Variants in MGMT observed in about 807,000 individuals in gnomAD.
MGMT encodes the protein O-6-methylguanine-DNA methyltransferase, also known as methylated-DNA--protein-cysteine methyltransferase.
A neutral mutation model predicts 15.9 loss-of-function variants in MGMT; 14 were observed. The observed-to-expected ratio is 0.88, with a 90% CI of 0.58 to 1.37. The LOEUF is 1.37. Among genes scored for constraint, MGMT ranks in the 40% most tolerant of loss-of-function variants. The pLI, the probability that MGMT is intolerant of heterozygous loss-of-function variation, is 0.00. For missense variants in MGMT, 282 were observed against 268.1 expected (o/e 1.05, Z -0.36); for synonymous variants, 130 against 118.2 (o/e 1.10, Z -0.65).
chr10:129,708,871 G>C (rs1484813170), intron 3 of MGMT, among the ~76,000 whole-genome samples: 5 of 152,196 alleles, frequency 3.3e-5, no homozygotes, highest in Non-Finnish European at 5.9e-5. Flanking sequence ...GATCAGATTT[G>C]CTGGGTAAGC....
chr10:129,571,381 A>C (rs1482237827), intron 2 of MGMT, among the ~76,000 whole-genome samples: 1 of 152,248 alleles, frequency 6.6e-6, no homozygotes, highest in Non-Finnish European at 1.5e-5. Context: ...CATAATCTGC[A>C]GGGCAAAGAT....
rs542509277 is a variant in MGMT at position 129,651,362 on chromosome 10, AGTGAATTTCTTTAAAG to A, written c.126-56530_126-56515del. Among the ~76,000 whole-genome samples the A allele has an allele frequency of 2.0e-5, 3 of 152,202 alleles. No individual in the cohort carries two copies. In the South Asian group the frequency reaches 6.2e-4, roughly 32 times the overall value. On this transcript the variant is annotated intron_variant, in intron 2 of 4. Transcript: ENST00000651593. ...ATAAGCTAAAGAAAGAACTAGTGTG[AGTGAATTTCTTTAAAG>A]GTCATTTGGCTCTAGGAAAACCTTT... is the stretch of plus-strand genomic sequence containing the variant.
chr10:129,565,351 T>C (rs1195293169), intron 2 of MGMT, among the ~76,000 whole-genome samples: 1 of 152,052 alleles, frequency 6.6e-6, no homozygotes, highest in African/African-American at 2.4e-5. Flanking sequence ...TACAAGGCTA[T>C]GAAAGCATCA....
chr10:129,758,038 T>C (rs552875696), intron 3 of MGMT, among the ~76,000 whole-genome samples: 1 of 152,374 alleles, frequency 6.6e-6, no homozygotes, highest in South Asian at 2.1e-4. Flanking sequence ...ACAACAAAGT[T>C]AATTTCTTTG....
intron 2 of MGMT, among the ~76,000 whole-genome samples, chr10:129,640,889 T>G (rs1255000851): frequency 6.6e-6 from 1 of 152,214 alleles, no homozygotes; most frequent in Non-Finnish European, 1.5e-5. Context: ...TTTCCTGATT[T>G]GATAAAAAGG....
chr10:129,733,748 G>A (rs1848529230), intron 3 of MGMT, among the ~76,000 whole-genome samples: 1 of 152,086 alleles, frequency 6.6e-6, no homozygotes, highest in Non-Finnish European at 1.5e-5. Flanking sequence ...AAGGTGTAAG[G>A]AAGGGATCCA....
chr10:129,769,947 G>C lies in MGMT; in HGVS notation c.*2950G>C, dbSNP rs1001488088. On this transcript the variant is annotated 3_prime_UTR_variant, in exon 5 of 5. Coordinates refer to ENST00000651593, the MANE Select transcript of MGMT (RefSeq NM_002412.5). ...GATGTGAAGGTTGCAGGCACCGGGC[G>C]TTGCAGAGGAAGTGGGCAAGCTCAC... Among the ~76,000 whole-genome samples the C allele has an allele frequency of 6.6e-6, 1 of 152,186 alleles. No individual in the cohort carries two copies. Among genetic ancestry groups the C allele is most frequent in the East Asian group, 1.9e-4 (1 of 5,186 alleles).
intron 2 of MGMT, among the ~76,000 whole-genome samples, chr10:129,578,663 C>T: frequency 6.6e-6 from 1 of 152,084 alleles, no homozygotes; most frequent in East Asian, 1.9e-4. Flanking sequence ...GCACATGTAC[C>T]CTAAAACTTA....
intron 3 of MGMT, among the ~76,000 whole-genome samples, chr10:129,743,697 CAT>C: frequency 6.6e-6 from 1 of 152,374 alleles, no homozygotes; most frequent in African/African-American, 2.4e-5. Context: ...CCTGTGGGGT[CAT>C]AGAGGTCACA....
chr10:129,676,488 G>A lies in MGMT; in HGVS notation c.126-31407G>A, dbSNP rs150555694. 1.6e-3 allele frequency among the ~76,000 whole-genome samples: 242 copies of A among 152,268 alleles called. 3 individuals are homozygous for A. The highest frequency in any genetic ancestry group is 5.5e-3 in the African/African-American group (230 of 41,556). On this transcript the variant is annotated intron_variant, in intron 2 of 4. Coordinates refer to ENST00000651593, the MANE Select transcript of MGMT (RefSeq NM_002412.5). ...AGGTGCATCTCTGCGTCTCTGCGGC[G>A]TACTCTGCGAGGGTCCCTGTGGAAG...
Position 129,657,721 on chromosome 10 carries a change from ACACACACC to A in MGMT, c.126-50172_126-50165del, listed in dbSNP as rs1220361712. The stretch of plus-strand genomic sequence containing the variant: ...CACACACACACGCACACACACACAC[ACACACACC>A]CCCTCTCCCCCAAGGACCCACAAGG... On this transcript the variant is annotated intron_variant, in intron 2 of 4. Coordinates refer to ENST00000651593, the MANE Select transcript of MGMT (RefSeq NM_002412.5). Among the ~76,000 whole-genome samples the A allele has an allele frequency of 1.7e-3, 259 of 148,512 alleles. 4 individuals carry two copies. Among genetic ancestry groups the A allele is most frequent in the South Asian group, 4.8e-3 (22 of 4,612 alleles).
At chr10:129,467,369 T>G in intron 1 of MGMT, 73 bp downstream of exon 1, 1 of 1,423,424 alleles carries the variant, frequency 7.0e-7, no homozygotes. Flanking sequence ...CCTCGAGTGG[T>G]CCTGCAGGCG....
chr10:129,561,671 G>C (rs778365811), intron 2 of MGMT, among the ~76,000 whole-genome samples: 1 of 152,058 alleles, frequency 6.6e-6, no homozygotes, highest in Non-Finnish European at 1.5e-5. Flanking sequence ...CAGTTTTACC[G>C]AGACACAGTT....
At chr10:129,598,782 G>C (rs1395396216) in intron 2 of MGMT, among the ~76,000 whole-genome samples, 1 of 152,152 alleles carries the variant, frequency 6.6e-6, no homozygotes, top group Non-Finnish European at 1.5e-5. Flanking sequence ...AAGTAGAGAC[G>C]ACTTGCCCAC....
intron 3 of MGMT, among the ~76,000 whole-genome samples, chr10:129,747,348 A>G (rs190988587): frequency 7.2e-5 from 11 of 152,248 alleles, no homozygotes; most frequent in Admixed American, 3.3e-4. Flanking sequence ...CAGTTGTCAG[A>G]TTGAGGATGT....
intron 3 of MGMT, among the ~76,000 whole-genome samples, chr10:129,750,578 A>T (rs148880769): frequency 6.6e-6 from 1 of 152,254 alleles, no homozygotes; most frequent in Admixed American, 6.5e-5. Flanking sequence ...ACAGTATAAC[A>T]GCTATTTACA....
At chr10:129,708,398 A>G (rs1377239001) in intron 3 of MGMT, among the ~76,000 whole-genome samples, 1 of 152,222 alleles carries the variant, frequency 6.6e-6, no homozygotes, top group Non-Finnish European at 1.5e-5. Flanking sequence ...CCAACAGCAC[A>G]GAAAACGAGA....
chr10:129,525,628 G>A (rs1050367011), intron 1 of MGMT, among the ~76,000 whole-genome samples: 13 of 152,062 alleles, frequency 8.5e-5, no homozygotes, highest in Non-Finnish European at 1.6e-4. Flanking sequence ...TGTGCGGTGC[G>A]GGGCCGGCTC....
At chr10:129,706,812 C>A (rs1253406456) in intron 2 of MGMT, among the ~76,000 whole-genome samples, 1 of 152,278 alleles carries the variant, frequency 6.6e-6, no homozygotes, top group Non-Finnish European at 1.5e-5. Flanking sequence ...GAAAATCCAC[C>A]CCTGCTGGAG....
Sources: gnomAD v4.1 joint callset for allele counts (sites outside exome capture counted in the v4.1 genomes callset) on GRCh38, gnomAD v4.1.1 for gene constraint, MANE v1.5 for transcripts, NCBI Gene and HGNC (gene_info 2026-07-23, HGNC 2026-07-21) for gene names.